The following NMBR variants were observed in gnomAD, a reference collection of about 807,000 sequenced individuals.
The protein encoded by NMBR is neuromedin B receptor.
NMBR carries 16 observed loss-of-function variants against 20.5 expected under a neutral mutation model. The ratio of observed to expected loss-of-function variants is 0.78; its 90% CI spans 0.53 to 1.19. NMBR has a LOEUF of 1.19. Among genes scored for constraint, NMBR ranks in the 50% most tolerant of loss-of-function variants. NMBR has a pLI of 0.00. For synonymous variants in NMBR, 212 were observed against 196.6 expected, an observed-to-expected ratio of 1.08 and a Z score of -0.65; for missense variants, 582 against 499.1, an observed-to-expected ratio of 1.17 and a Z score of -1.58.
chr6:142,137,161 T>C (rs939060930), intron 1 of NMBR, among the ~76,000 whole-genome samples: 5 of 152,230 alleles, frequency 3.3e-5, no homozygotes, highest in African/African-American at 1.2e-4. Context: ...TGTATCCTCT[T>C]TTATTTCATT....
At chr6:142,085,292 G>A (rs1777179298) in intron 2 of NMBR, among the ~76,000 whole-genome samples, 1 of 152,226 alleles carries the variant, frequency 6.6e-6, no homozygotes, top group African/African-American at 2.4e-5. Context: ...GAGAAGCCGA[G>A]GTGGGCAGAT....
At chr6:142,143,440 AC>A (rs1293962952) in intron 1 of NMBR, among the ~76,000 whole-genome samples, 4 of 152,216 alleles carry the variant, frequency 2.6e-5, no homozygotes, top group African/African-American at 9.6e-5. Flanking sequence ...ATGTGCCACC[AC>A]ACCCTGCTAA....
chr6:142,089,006 C>G lies in NMBR; in HGVS notation c.-348G>C. On this transcript the variant is annotated 5_prime_UTR_variant, in exon 2 of 4. Coordinates refer to ENST00000258042, the MANE Select transcript of NMBR (RefSeq NM_002511.4). ...CAGCCTTTCAGGAACAAGGAGCTGTCCCTTGGGGATCAGTAGAAGCACCTG... is the reference window on the plus strand; with the variant it reads ...CAGCCTTTCAGGAACAAGGAGCTGTGCCTTGGGGATCAGTAGAAGCACCTG... The G allele has an allele frequency of 5.1e-6, 1 of 194,218 alleles. No individual in the cohort carries two copies. The highest frequency in any genetic ancestry group is 1.1e-5 in the Non-Finnish European group (1 of 92,562). The allele number at this position is 194,218 out of a possible 1,614,324, so 12.0% of individuals were successfully genotyped here. A position where few individuals can be genotyped will look rare whatever the true frequency, so the allele number is the denominator to read the frequency against.
intron 1 of NMBR, among the ~76,000 whole-genome samples, chr6:142,139,136 G>A (rs1778321506): frequency 6.6e-6 from 1 of 152,132 alleles, no homozygotes; most frequent in Admixed American, 6.5e-5. Flanking sequence ...CGTGTCCAAG[G>A]AAAGAAAGGA....
intron 1 of NMBR, among the ~76,000 whole-genome samples, chr6:142,125,790 C>T (rs191377561): frequency 1.3e-5 from 2 of 151,866 alleles, no homozygotes; most frequent in Admixed American, 6.6e-5. Context: ...TATTCATATA[C>T]ATTGTGAAAT....
chr6:142,134,156 A>G (rs1415557222), intron 1 of NMBR: 1 of 499,276 alleles, frequency 2.0e-6, no homozygotes, highest in African/African-American at 1.9e-5. Flanking sequence ...GGATTATGTT[A>G]CTTTTTCTTT....
intron 1 of NMBR, among the ~76,000 whole-genome samples, chr6:142,109,255 G>A (rs1777716418): frequency 6.6e-6 from 1 of 152,116 alleles, no homozygotes; most frequent in South Asian, 2.1e-4. Flanking sequence ...ATACCCCACC[G>A]GGGACTCTGT....
At chr6:142,136,205 G>A (rs1204812092) in intron 1 of NMBR, among the ~76,000 whole-genome samples, 2 of 152,136 alleles carry the variant, frequency 1.3e-5, no homozygotes, top group African/African-American at 2.4e-5. Context: ...GTGTGAGATG[G>A]TATCTCCTTG....
At chr6:142,119,130 C>T (rs1348750605) in intron 1 of NMBR, among the ~76,000 whole-genome samples, 1 of 151,976 alleles carries the variant, frequency 6.6e-6, no homozygotes, top group South Asian at 2.1e-4. Flanking sequence ...CAGCCAGTTA[C>T]TGGTTATGCG....
At chr6:142,126,765 T>C (rs1778046659) in intron 1 of NMBR, among the ~76,000 whole-genome samples, 1 of 148,132 alleles carries the variant, frequency 6.8e-6, no homozygotes, top group South Asian at 2.2e-4. Context: ...GGATTTTTTT[T>C]TTTTTTTTTT....
At chr6:142,084,398 G>T (rs1462432890) in intron 2 of NMBR, among the ~76,000 whole-genome samples, 1 of 152,114 alleles carries the variant, frequency 6.6e-6, no homozygotes, top group Non-Finnish European at 1.5e-5. Flanking sequence ...ATCAGATTTG[G>T]TACAACATTA....
chr6:142,142,869 G>C (rs562326255), intron 1 of NMBR, among the ~76,000 whole-genome samples: 1 of 152,188 alleles, frequency 6.6e-6, no homozygotes, highest in South Asian at 2.1e-4. Context: ...AGGATCGCTT[G>C]AGTCTAGGAG....
intron 1 of NMBR, among the ~76,000 whole-genome samples, chr6:142,144,620 TATC>T (rs1778402038): frequency 6.6e-6 from 1 of 152,170 alleles, no homozygotes; most frequent in Non-Finnish European, 1.5e-5. Flanking sequence ...TCTAGTAAAA[TATC>T]ATAGTAAAAC....
At chr6:142,108,126 A>G (rs1777691293) in intron 1 of NMBR, among the ~76,000 whole-genome samples, 1 of 152,186 alleles carries the variant, frequency 6.6e-6, no homozygotes, top group South Asian at 2.1e-4. Flanking sequence ...TAATGAAAGT[A>G]ACAGAAGTAG....
chr6:142,131,885 TGTACAATG>T (rs1268551181), intron 1 of NMBR, among the ~76,000 whole-genome samples: 6 of 152,224 alleles, frequency 3.9e-5, no homozygotes, highest in South Asian at 4.1e-4. Flanking sequence ...CATTCACTAC[TGTACAATG>T]GTAAAAGCCA....
chr6:142,133,040 G>T, intron 1 of NMBR: 4 of 497,690 alleles, frequency 8.0e-6, no homozygotes, highest in Non-Finnish European at 1.4e-5. Flanking sequence ...TTGTAGTGAT[G>T]AGTGTTTTCT....
At chr6:142,103,907 A>T (rs908882292) in intron 1 of NMBR, among the ~76,000 whole-genome samples, 1 of 152,200 alleles carries the variant, frequency 6.6e-6, no homozygotes, top group African/African-American at 2.4e-5. Context: ...ATAAGCCTAA[A>T]GTTATCAGAA....
At chr6:142,106,622 A>G (rs574410574) in intron 1 of NMBR, among the ~76,000 whole-genome samples, 1 of 152,282 alleles carries the variant, frequency 6.6e-6, no homozygotes, top group East Asian at 1.9e-4. Context: ...CCCCATTCAG[A>G]CTATCAATCT....
At chr6:142,139,073 G>A (rs1333608060) in intron 1 of NMBR, among the ~76,000 whole-genome samples, 1 of 152,080 alleles carries the variant, frequency 6.6e-6, no homozygotes, top group Non-Finnish European at 1.5e-5. Context: ...CCTCCTGCTG[G>A]TTGACTGTGG....
Sources: allele counts gnomAD v4.1 joint callset (sites outside exome capture counted in the v4.1 genomes callset), GRCh38; gene constraint gnomAD v4.1.1; transcripts MANE v1.5; gene names NCBI Gene and HGNC (gene_info 2026-07-23, HGNC 2026-07-21).